Variants in ZNF428 observed in about 807,000 individuals in gnomAD.
The protein encoded by ZNF428 is zinc finger protein 428.
ZNF428 carries 5 observed loss-of-function variants against 15.6 expected under a neutral mutation model. The ratio of observed to expected loss-of-function variants is 0.32; its 90% CI spans 0.17 to 0.67. ZNF428 has a LOEUF of 0.67. Among genes scored for constraint, ZNF428 ranks in the 30% least tolerant of loss-of-function variants. ZNF428 has a pLI of 0.73. For synonymous variants in ZNF428, 97 were observed against 102.2 expected (o/e 0.95, Z 0.31); for missense variants, 237 against 256.0 (o/e 0.93, Z 0.51).
chr19:43,616,360 T>C lies in ZNF428; in HGVS notation c.-130-1926A>G, dbSNP rs191164062. Among the ~76,000 whole-genome samples, 206 of 152,336 alleles carry C rather than the reference T, an allele frequency of 1.4e-3. 4 individuals carry two copies. In the South Asian group the frequency reaches 0.034, roughly 25 times the overall value. ...AAGATAGTGTCTAGGTTTGCCACACTCTAGCTGTGTAGCACCAAGCAAAGA... is the reference window on the plus strand; with the variant it reads ...AAGATAGTGTCTAGGTTTGCCACACCCTAGCTGTGTAGCACCAAGCAAAGA... On this transcript the variant is annotated intron_variant, in intron 1 of 2. Transcript: ENST00000300811.
Position 43,612,645 on chromosome 19 carries a change from G to GCCA in ZNF428, c.76+1583_76+1584insTGG. On this transcript the variant is annotated intron_variant, in intron 2 of 2. Transcript: ENST00000300811. This position sits in a 1 kb window ranked among gnomAD's most constrained non-coding sequence, Gnocchi z 4.2. ...GGGAGCCGGGGAAAGAGTTACGGCC[G>GCCA]GCCTAGAACCAGCAACAGGGAAAGG... 6.4e-7 allele frequency: 1 copy of GCCA among 1,551,406 alleles called. No homozygotes were observed. Among genetic ancestry groups the GCCA allele is most frequent in the Non-Finnish European group, 8.7e-7 (1 of 1,146,964 alleles).
At chr19:43,617,163 C>T (rs1036790866) in intron 1 of ZNF428, among the ~76,000 whole-genome samples, 1 of 152,022 alleles carries the variant, frequency 6.6e-6, no homozygotes, top group African/African-American at 2.4e-5. Context: ...ACATAAGAAC[C>T]TCTATACTTC....
rs1973305897 is a variant in ZNF428, at chr19:43,612,267, C to A, written c.76+1962G>T. 1 of 1,551,712 alleles carries A rather than the reference C, an allele frequency of 6.4e-7. No individual in the cohort carries two copies. Among genetic ancestry groups the A allele is most frequent in the Non-Finnish European group, 8.7e-7 (1 of 1,147,006 alleles). On this transcript the variant is annotated intron_variant, in intron 2 of 2. Coordinates refer to ENST00000300811, the MANE Select transcript of ZNF428 (RefSeq NM_182498.4). This position sits in a 1 kb window ranked among gnomAD's most constrained non-coding sequence, Gnocchi z 4.2. ...AACAGATCCTTAGTGCCCACCAAAC[C>A]AGCGACATCCCGTAACTCAGTCATG... is the stretch of plus-strand genomic sequence containing the variant.
At position 43,607,320 on chromosome 19, in the gene ZNF428, G is replaced by C; in HGVS notation, c.*297C>G. On this transcript the variant is annotated 3_prime_UTR_variant, in exon 3 of 3. Coordinates refer to ENST00000300811, the MANE Select transcript of ZNF428 (RefSeq NM_182498.4). The surrounding 1 kb of genome is among the most constrained non-coding windows in gnomAD (Gnocchi z 5.1). ...CATCGAATACAAGCACGCAGTAAATGTTATCTTTCCCAAAAGACCCCAAGG... is the reference window on the plus strand; with the variant it reads ...CATCGAATACAAGCACGCAGTAAATCTTATCTTTCCCAAAAGACCCCAAGG... 1 of 376,354 alleles carries C rather than the reference G, an allele frequency of 2.7e-6. No homozygotes were observed. The highest frequency in any genetic ancestry group is 4.7e-6 in the Non-Finnish European group (1 of 210,836). The allele number at this position is 376,354 out of a possible 1,614,324, so 23.3% of individuals were successfully genotyped here. A position where few individuals can be genotyped will look rare whatever the true frequency, so the allele number is the denominator to read the frequency against.
intron 1 of ZNF428, among the ~76,000 whole-genome samples, chr19:43,617,375 A>G (rs1410642210): frequency 6.6e-6 from 1 of 152,142 alleles, no homozygotes; most frequent in Non-Finnish European, 1.5e-5. Flanking sequence ...GCCAAGGCCC[A>G]TGCACTGGGG....
At chr19:43,614,544 C>T (rs1014087051) in intron 1 of ZNF428, 110 bp from the exon 2 acceptor site, 30 of 1,018,418 alleles carry the variant, frequency 2.9e-5, no homozygotes, top group South Asian at 2.2e-4. Flanking sequence ...CACAGAGGAC[C>T]CCAGCTCTGT....
intron 2 of ZNF428, among the ~76,000 whole-genome samples, chr19:43,610,486 C>T (rs2146114970): frequency 6.6e-6 from 1 of 152,028 alleles, no homozygotes; most frequent in Middle Eastern, 3.4e-3. Context: ...AGGTATGAGC[C>T]ACCGCAGCCG....
chr19:43,608,087 A>T lies in ZNF428; in HGVS notation c.97T>A (p.Ser33Thr). ...TCCGGCTCTGAGAGAGTGTATTCTG[A>T]ATCAGAGGAATGCTCGGGGCCTGGA... ...LSPGPEHSSDSEYTLSEPDSE... is the reference protein window; with the variant it reads ...LSPGPEHSSDTEYTLSEPDSE... The change falls in exon 3 of 3, where the codon TCA (serine) becomes ACA (threonine). Residue 33 changes from serine to threonine, a missense_variant. By Grantham distance (58) the Ser-to-Thr change is moderately conservative. Transcript: ENST00000300811. 6.2e-7 allele frequency: 1 copy of T among 1,613,378 alleles called. No individual in the cohort carries two copies. Among genetic ancestry groups the T allele is most frequent in the Non-Finnish European group, 8.5e-7 (1 of 1,179,630 alleles).
intron 1 of ZNF428, among the ~76,000 whole-genome samples, chr19:43,615,744 T>TTA: frequency 6.6e-6 from 1 of 152,226 alleles, no homozygotes; most frequent in Non-Finnish European, 1.5e-5. Flanking sequence ...AAGGAAATGC[T>TTA]TACTTAGATT....
intron 2 of ZNF428, chr19:43,608,578 C>T: frequency 6.4e-6 from 1 of 155,442 alleles, no homozygotes; most frequent in Non-Finnish European, 1.4e-5. Flanking sequence ...TGCATTTGAG[C>T]CATGATTGCG....
In ZNF428 at chr19:43,612,055, G is replaced by A. The variant is rs780558887; in HGVS notation, c.76+2174C>T. 1.2e-4 allele frequency: 152 copies of A among 1,240,414 alleles called. 4 individuals are homozygous for A. The South Asian group carries it at 1.4e-3, about 11-fold the overall frequency. 76.8% of individuals were successfully genotyped at this position (1,240,414 alleles called of 1,614,324 possible). A position where few individuals can be genotyped will look rare whatever the true frequency, so the allele number is the denominator to read the frequency against. The stretch of plus-strand genomic sequence containing the variant: ...GCCTGTGACAGGCAATCAGGTCATC[G>A]TCCACGGCTACCAGGTGTTTCATGT... On this transcript the variant is annotated intron_variant, in intron 2 of 2. Coordinates refer to ENST00000300811, the MANE Select transcript of ZNF428 (RefSeq NM_182498.4). The surrounding 1 kb of genome is among the most constrained non-coding windows in gnomAD (Gnocchi z 4.2).
intron 2 of ZNF428, among the ~76,000 whole-genome samples, chr19:43,608,820 C>G (rs1002208635): frequency 6.6e-6 from 1 of 150,780 alleles, no homozygotes; most frequent in Non-Finnish European, 1.5e-5. Flanking sequence ...CCCAGCTACT[C>G]GGGAGGCTGA....
intron 1 of ZNF428, among the ~76,000 whole-genome samples, chr19:43,615,852 G>A (rs1973366929): frequency 6.6e-6 from 1 of 152,138 alleles, no homozygotes; most frequent in Non-Finnish European, 1.5e-5. Flanking sequence ...GCCCTCCCTG[G>A]GGTGCTACCC....
rs1973259796 is a variant in ZNF428, at chr19:43,608,117, G to C, written c.77-10C>G. The C allele has an allele frequency of 5.6e-6, 9 of 1,606,426 alleles. No homozygotes were observed. Among genetic ancestry groups the C allele is most frequent in the South Asian group, 1.1e-5 (1 of 89,750 alleles). Reference sequence around the variant, plus strand: ...GAGGAATGCTCGGGGCCTGGAGGGGGACAGACAGGGGAAGACAGTGGTATC... The same window carrying C: ...GAGGAATGCTCGGGGCCTGGAGGGGCACAGACAGGGGAAGACAGTGGTATC... On this transcript the variant is annotated splice_polypyrimidine_tract_variant and intron_variant, in intron 2 of 2. Transcript: ENST00000300811.
intron 2 of ZNF428, chr19:43,613,977 G>C (rs551305864): frequency 6.4e-7 from 1 of 1,551,626 alleles, no homozygotes; most frequent in Non-Finnish European, 8.7e-7. Flanking sequence ...GCTCATAGCC[G>C]ATCTAGAACC....
intron 1 of ZNF428, among the ~76,000 whole-genome samples, chr19:43,615,860 C>T (rs1002972108): frequency 2.6e-5 from 4 of 152,076 alleles, no homozygotes; most frequent in African/African-American, 9.7e-5. Flanking sequence ...TGGGGTGCTA[C>T]CCTACAGGAA....
In ZNF428 at chr19:43,607,933, C is replaced by A. The variant is rs971308820; in HGVS notation, c.251G>T (p.Arg84Leu). ...GRGGPSRRAP[R>L]AAQPPAQPCQ... The stretch of plus-strand genomic sequence containing the variant: ...AGGCTGGGCCGGGGGCTGGGCTGCA[C>A]GGGGGGCCCGGCGGGATGGGCCACC... The change falls in exon 3 of 3, where the codon CGT (arginine) becomes CTT (leucine). Residue 84 changes from arginine (R) to leucine (L), a missense_variant. By Grantham distance (102) the Arg-to-Leu change is moderately radical. Coordinates refer to ENST00000300811, the MANE Select transcript of ZNF428 (RefSeq NM_182498.4). The surrounding 1 kb of genome is among the most constrained non-coding windows in gnomAD (Gnocchi z 5.1). 7 of 1,577,262 alleles carry A rather than the reference C, an allele frequency of 4.4e-6. No homozygotes were observed. Among genetic ancestry groups the A allele is most frequent in the African/African-American group, 1.3e-5 (1 of 74,276 alleles).
Position 43,607,781 on chromosome 19 carries a change from C to T in ZNF428, c.403G>A (p.Glu135Lys), listed in dbSNP as rs974137077. 6.3e-7 allele frequency: 1 copy of T among 1,597,414 alleles called. No homozygotes were observed. Among genetic ancestry groups the T allele is most frequent in the Non-Finnish European group, 8.5e-7 (1 of 1,172,102 alleles). ...TCCCCAGCCCGAGGTGGTTCCTCCT[C>T]TTCCTCCCCGAGGGCCCTGCCTTCA... ...APEGRALGEE[E>K]EEPPRAGEGR... Residue 135 changes from glutamate to lysine, a missense_variant, in exon 3 of 3, where the codon GAG (glutamate) becomes AAG (lysine). By Grantham distance (56) the Glu-to-Lys change is moderately conservative. Coordinates refer to ENST00000300811, the MANE Select transcript of ZNF428 (RefSeq NM_182498.4). This position sits in a 1 kb window ranked among gnomAD's most constrained non-coding sequence, Gnocchi z 5.1.
At chr19:43,618,647 C>T (rs1172968062) in intron 1 of ZNF428, among the ~76,000 whole-genome samples, 1 of 144,294 alleles carries the variant, frequency 6.9e-6, no homozygotes, top group Non-Finnish European at 1.5e-5. Context: ...TGGTCTCAAG[C>T]GATCCTCCTG....
Sources: gnomAD v4.1 joint callset for allele counts (sites outside exome capture counted in the v4.1 genomes callset) on GRCh38, gnomAD v4.1.1 for gene constraint, Gnocchi (gnomAD v3.1) non-coding constraint, MANE v1.5 for transcripts, NCBI Gene and HGNC (gene_info 2026-07-23, HGNC 2026-07-21) for gene names.